Variants in LORICRIN observed in about 807,000 individuals in gnomAD.
LORICRIN encodes the protein loricrin cornified envelope precursor protein.
A neutral mutation model predicts 3.3 loss-of-function variants in LORICRIN; 5 were observed. The ratio of observed to expected loss-of-function variants is 1.52; its 90% CI spans 0.79 to 3.19. The LOEUF (loss-of-function observed/expected upper bound fraction) is 3.19, where lower values mean the gene tolerates loss of function less well. Ranked by LOEUF, LORICRIN falls within the 30% of genes most tolerant of loss-of-function variation. The pLI, the probability that LORICRIN is intolerant of heterozygous loss-of-function variation, is 0.00. For missense variants in LORICRIN, 524 were observed against 460.2 expected (o/e 1.14, Z -1.27); for synonymous variants, 237 against 231.4 (o/e 1.02, Z -0.22).
Position 153,261,225 on chromosome 1 carries a change from A to C in LORICRIN, c.276A>C (p.Gly92=), listed in dbSNP as rs1143390. ...GGSGGSVKYS[G]GGGSSGGGSG... The stretch of plus-strand genomic sequence containing the variant: ...CCGGTGGGAGCGTCAAGTACTCCGG[A>C]GGCGGCGGCTCCTCCGGCGGGGGCT... Residue 92 remains glycine, a synonymous_variant, in exon 2 of 2, where the codon GGA becomes GGC. Coordinates refer to ENST00000368742, the MANE Select transcript of LORICRIN (RefSeq NM_000427.3). 0.38 allele frequency: 522,384 copies of C among 1,371,192 alleles called. 99,198 individuals are homozygous for C. The highest frequency in any genetic ancestry group is 0.51 in the Middle Eastern group (2,088 of 4,062). 84.9% of individuals were successfully genotyped at this position (1,371,192 alleles called of 1,614,324 possible).
chr1:153,261,243 C>CG lies in LORICRIN; in HGVS notation c.299dup (p.Ser101LeufsTer66). On this transcript the variant is annotated frameshift_variant, in exon 2 of 2. Transcript: ENST00000368742. LOFTEE classifies it low-confidence loss of function (END_TRUNC). ...ACTCCGGAGGCGGCGGCTCCTCCGG[C>CG]GGGGGCTCTGGCTGTTTCTCCAGCG... is the stretch of plus-strand genomic sequence containing the variant. The CG allele has an allele frequency of 7.2e-7, 1 of 1,382,506 alleles. No individual in the cohort carries two copies. Among genetic ancestry groups the CG allele is most frequent in the South Asian group, 1.6e-5 (1 of 61,308 alleles). 85.6% of individuals were successfully genotyped at this position (1,382,506 alleles called of 1,614,324 possible). A position where few individuals can be genotyped will look rare whatever the true frequency, so the allele number is the denominator to read the frequency against.
chr1:153,261,171 GGGC>G lies in LORICRIN; in HGVS notation c.226_228del (p.Gly76del). 8.8e-7 allele frequency: 1 copy of G among 1,130,350 alleles called. No individual in the cohort carries two copies. Among genetic ancestry groups the G allele is most frequent in the Non-Finnish European group, 1.1e-6 (1 of 913,540 alleles). 70.0% of individuals were successfully genotyped at this position (1,130,350 alleles called of 1,614,324 possible). A position where few individuals can be genotyped will look rare whatever the true frequency, so the allele number is the denominator to read the frequency against. ...GGGGCTCCTCCGGCGGCGGGGGCGG[GGGC>G]GGCATTGGAGGCTGCGGAGGGGGCT... On this transcript the variant is annotated inframe_deletion, in exon 2 of 2. Transcript: ENST00000368742.
chr1:153,261,924 G>C lies in LORICRIN; in HGVS notation c.*36G>C. 1 of 1,597,168 alleles carries C rather than the reference G, an allele frequency of 6.3e-7. No homozygotes were observed. The highest frequency in any genetic ancestry group is 8.5e-7 in the Non-Finnish European group (1 of 1,170,832). On this transcript the variant is annotated 3_prime_UTR_variant, in exon 2 of 2. Transcript: ENST00000368742. ...GTACCACGGAGGCGAAGGAGTTGGA[G>C]GTGTTTTCCAGGGGCACCGATGGGC...
rs773449289 is a variant in LORICRIN at position 153,261,581 on chromosome 1, C to T, written c.632C>T (p.Ser211Leu). ...SGGSGSGYVS[S>L]QQVTQTSCAP... ...GGCAGCGGCTCCGGCTACGTCTCCTCGCAGCAGGTCACTCAGACCTCGTGC... is the reference window on the plus strand; with the variant it reads ...GGCAGCGGCTCCGGCTACGTCTCCTTGCAGCAGGTCACTCAGACCTCGTGC... Residue 211 changes from serine to leucine, a missense_variant, in exon 2 of 2, where the codon TCG (serine) becomes TTG (leucine). By Grantham distance (145) the Ser-to-Leu change is moderately radical (BLOSUM62 -2). Coordinates refer to ENST00000368742, the MANE Select transcript of LORICRIN (RefSeq NM_000427.3). 26 of 1,509,012 alleles carry T rather than the reference C, an allele frequency of 1.7e-5. No individual in the cohort carries two copies. The East Asian group carries it at 6.4e-4, about 37-fold the overall frequency. 93.5% of individuals were successfully genotyped at this position (1,509,012 alleles called of 1,614,324 possible).
rs368526633 is a variant in LORICRIN, at chr1:153,261,831, C to T, written c.882C>T (p.Gly294=). ...TGGGTGGCTCCGGGAGTGGCAAGGG[C>T]GTCCCGATCTGCCACCAGACCCAGC... ...SSVGGSGSGK[G]VPICHQTQQK... Residue 294 remains glycine, a synonymous_variant, in exon 2 of 2, where the codon GGC becomes GGT. Coordinates refer to ENST00000368742, the MANE Select transcript of LORICRIN (RefSeq NM_000427.3). The T allele has an allele frequency of 1.2e-4, 197 of 1,610,986 alleles. No homozygotes were observed. The African/African-American group carries it at 2.4e-3, about 20-fold the overall frequency.
In LORICRIN at chr1:153,260,940, C is replaced by T; in HGVS notation, c.-10C>T. On this transcript the variant is annotated 5_prime_UTR_variant, in exon 2 of 2. Transcript: ENST00000368742. ...CTCCCCTTCCAGGCTCTCCTTCCTT[C>T]TCAGACAAGATGTCTTATCAGAAAA... 25 of 1,585,948 alleles carry T rather than the reference C, an allele frequency of 1.6e-5. No individual in the cohort carries two copies. The highest frequency in any genetic ancestry group is 2.1e-5 in the Non-Finnish European group (25 of 1,165,168).
chr1:153,261,133 G>A lies in LORICRIN; in HGVS notation c.184G>A (p.Gly62Ser). Residue 62 changes from glycine to serine, a missense_variant, in exon 2 of 2, where the codon GGC (glycine) becomes AGC (serine). Coordinates refer to ENST00000368742, the MANE Select transcript of LORICRIN (RefSeq NM_000427.3). ...CTCCGGCGGCGGTGGCTACTCTGGC[G>A]GCGGCTGCGGCGGGGGCTCCTCCGG... ...GYSGGGGYSG[G>S]GCGGGSSGGG... 10 of 1,350,762 alleles carry A rather than the reference G, an allele frequency of 7.4e-6. No individual in the cohort carries two copies. Among genetic ancestry groups the A allele is most frequent in the Non-Finnish European group, 9.4e-6 (10 of 1,060,986 alleles). 83.7% of individuals were successfully genotyped at this position (1,350,762 alleles called of 1,614,324 possible).
In LORICRIN at chr1:153,261,992, T is replaced by G. The variant is rs1174404412; in HGVS notation, c.*104T>G. On this transcript the variant is annotated 3_prime_UTR_variant, in exon 2 of 2. Coordinates refer to ENST00000368742, the MANE Select transcript of LORICRIN (RefSeq NM_000427.3). ...CTACCCGAGGTTTGCAAATCCTTCA[T>G]GTCTTAACCTACCTGGAAGAAGCCA... 2 of 1,202,226 alleles carry G rather than the reference T, an allele frequency of 1.7e-6. No homozygotes were observed. Among genetic ancestry groups the G allele is most frequent in the African/African-American group, 1.5e-5 (1 of 66,526 alleles). The allele number at this position is 1,202,226 out of a possible 1,614,324, so 74.5% of individuals were successfully genotyped here.
intron 1 of LORICRIN, among the ~76,000 whole-genome samples, chr1:153,260,338 G>C (rs1658734295): frequency 6.6e-6 from 1 of 152,192 alleles, no homozygotes; most frequent in South Asian, 2.1e-4. Context: ...CCTGTTTCCA[G>C]GCAGGGCCAC....
chr1:153,260,956 T>C lies in LORICRIN; in HGVS notation c.7T>C (p.Tyr3His). MSYQKKQPTPQPP... is the reference protein window; with the variant it reads MSHQKKQPTPQPP... Reference sequence around the variant, plus strand: ...TCCTTCCTTCTCAGACAAGATGTCTTATCAGAAAAAGCAGCCCACCCCTCA... The same window carrying C: ...TCCTTCCTTCTCAGACAAGATGTCTCATCAGAAAAAGCAGCCCACCCCTCA... Residue 3 changes from tyrosine (Y) to histidine (H), a missense_variant, in exon 2 of 2, where the codon TAT becomes CAT. Coordinates refer to ENST00000368742, the MANE Select transcript of LORICRIN (RefSeq NM_000427.3). 1 of 1,596,810 alleles carries C rather than the reference T, an allele frequency of 6.3e-7. No homozygotes were observed. Among genetic ancestry groups the C allele is most frequent in the Non-Finnish European group, 8.5e-7 (1 of 1,171,774 alleles).
chr1:153,261,070 G>T lies in LORICRIN; in HGVS notation c.121G>T (p.Gly41Cys), dbSNP rs764037857. The change falls in exon 2 of 2, where the codon GGC becomes TGC. Residue 41 changes from glycine to cysteine, a missense_variant. Gly to Cys is a radical substitution (Grantham distance 159). Transcript: ENST00000368742. ...GGGCGFFGGG[G>C]SGGGSSGSGC... ...TGGCTGCGGCTTCTTCGGCGGCGGCGGCTCAGGGGGCGGTAGCAGCGGTTC... is the reference window on the plus strand; with the variant it reads ...TGGCTGCGGCTTCTTCGGCGGCGGCTGCTCAGGGGGCGGTAGCAGCGGTTC... The T allele has an allele frequency of 1.4e-5, 21 of 1,509,044 alleles. No homozygotes were observed. In the African/African-American group the frequency reaches 2.0e-4, roughly 14 times the overall value. 93.5% of individuals were successfully genotyped at this position (1,509,044 alleles called of 1,614,324 possible).
chr1:153,260,598 A>C (rs1658742999), intron 1 of LORICRIN, among the ~76,000 whole-genome samples: 3 of 152,196 alleles, frequency 2.0e-5, no homozygotes, highest in South Asian at 2.1e-4. Context: ...CTGAAAGATG[A>C]AGTGTTCAAA....
At chr1:153,260,759 A>G (rs1557794713) in intron 1 of LORICRIN, among the ~76,000 whole-genome samples, 168 bp from the exon 2 acceptor site, 1 of 152,164 alleles carries the variant, frequency 6.6e-6, no homozygotes, top group Non-Finnish European at 1.5e-5. Flanking sequence ...CTGCAGGGGA[A>G]TGAGGAACTC....
At position 153,261,684 on chromosome 1, in the gene LORICRIN, G is replaced by A. The variant is rs967978819; in HGVS notation, c.735G>A (p.Gly245=). 3 of 1,501,184 alleles carry A rather than the reference G, an allele frequency of 2.0e-6. 1 individual carries two copies. Among genetic ancestry groups the A allele is most frequent in the Non-Finnish European group, 2.6e-6 (3 of 1,134,960 alleles). The allele number at this position is 1,501,184 out of a possible 1,614,324, so 93.0% of individuals were successfully genotyped here. The change falls in exon 2 of 2, where the codon GGG becomes GGA. Residue 245 remains glycine (G), a synonymous_variant. Transcript: ENST00000368742. ...GAAGCGGCTGCTTCTCCAGCGGCGG[G>A]GGCGGCGGGAGCTCCGGCTGCGGCG... ...SGGSGCFSSG[G]GGGSSGCGGG...
At position 153,261,019 on chromosome 1, in the gene LORICRIN, G is replaced by GGCGGTA. The variant is rs1658758526; in HGVS notation, c.75_76insAGCGGT (p.Gly25_Gly26insSerGly). ...CTGCGTGAAGACCTCTGGCGGCGGTGGCGGTGGCGGCGGCAGCGGCGGTGG... is the reference window on the plus strand; with the variant it reads ...CTGCGTGAAGACCTCTGGCGGCGGTGGCGGTAGCGGTGGCGGCGGCAGCGGCGGTGG... On this transcript the variant is annotated inframe_insertion, in exon 2 of 2. Transcript: ENST00000368742. 1 of 1,567,312 alleles carries GGCGGTA rather than the reference G, an allele frequency of 6.4e-7. No homozygotes were observed. Among genetic ancestry groups the GGCGGTA allele is most frequent in the Non-Finnish European group, 8.7e-7 (1 of 1,154,086 alleles).
At position 153,261,628 on chromosome 1, in the gene LORICRIN, G is replaced by A; in HGVS notation, c.679G>A (p.Gly227Arg). 1 of 1,513,938 alleles carries A rather than the reference G, an allele frequency of 6.6e-7. No homozygotes were observed. The highest frequency in any genetic ancestry group is 2.0e-4 in the Middle Eastern group (1 of 4,892). The allele number at this position is 1,513,938 out of a possible 1,614,324, so 93.8% of individuals were successfully genotyped here. A position where few individuals can be genotyped will look rare whatever the true frequency, so the allele number is the denominator to read the frequency against. Residue 227 changes from glycine (G) to arginine (R), a missense_variant, in exon 2 of 2, where the codon GGG becomes AGG. Transcript: ENST00000368742. ...GTGCGCGCCCCAGCCGAGTTACGGA[G>A]GGGGGTCGTCCGGCGGCGGCGGCAG... ...TSCAPQPSYG[G>R]GSSGGGGSGG...
rs1030423431 is a variant in LORICRIN, at chr1:153,261,267, C to A, written c.318C>A (p.Ser106Arg). Reference sequence around the variant, plus strand: ...GCGGGGGCTCTGGCTGTTTCTCCAGCGGTGGGGGCGGCTCCGGCTGCTTCT... The same window carrying A: ...GCGGGGGCTCTGGCTGTTTCTCCAGAGGTGGGGGCGGCTCCGGCTGCTTCT... Reference protein sequence around the residue: ...SSGGGSGCFSSGGGGSGCFSS... With the variant: ...SSGGGSGCFSRGGGGSGCFSS... Residue 106 changes from serine (S) to arginine (R), a missense_variant, in exon 2 of 2, where the codon AGC becomes AGA. Physicochemically the swap from Ser to Arg is moderately radical, Grantham distance 110. Coordinates refer to ENST00000368742, the MANE Select transcript of LORICRIN (RefSeq NM_000427.3). 1 of 1,418,144 alleles carries A rather than the reference C, an allele frequency of 7.1e-7. No homozygotes were observed. The highest frequency in any genetic ancestry group is 9.1e-7 in the Non-Finnish European group (1 of 1,096,230). The allele number at this position is 1,418,144 out of a possible 1,614,324, so 87.8% of individuals were successfully genotyped here.
In LORICRIN at chr1:153,261,682, G is replaced by C; in HGVS notation, c.733G>C (p.Gly245Arg). ...CGGAAGCGGCTGCTTCTCCAGCGGC[G>C]GGGGCGGCGGGAGCTCCGGCTGCGG... ...SGGSGCFSSG[G>R]GGGSSGCGGG... Residue 245 changes from glycine (G) to arginine (R), a missense_variant, in exon 2 of 2, where the codon GGG (glycine) becomes CGG (arginine). Coordinates refer to ENST00000368742, the MANE Select transcript of LORICRIN (RefSeq NM_000427.3). 6.6e-7 allele frequency: 1 copy of C among 1,506,538 alleles called. No homozygotes were observed. Among genetic ancestry groups the C allele is most frequent in the South Asian group, 1.3e-5 (1 of 79,426 alleles). 93.3% of individuals were successfully genotyped at this position (1,506,538 alleles called of 1,614,324 possible).
Position 153,261,959 on chromosome 1 carries a change from T to A in LORICRIN, c.*71T>A. On this transcript the variant is annotated 3_prime_UTR_variant, in exon 2 of 2. Transcript: ENST00000368742. Reference sequence around the variant, plus strand: ...AGGGGCACCGATGGGCTTAGAGCTCTCATGATGCTACCCGAGGTTTGCAAA... The same window carrying A: ...AGGGGCACCGATGGGCTTAGAGCTCACATGATGCTACCCGAGGTTTGCAAA... 1 of 1,471,622 alleles carries A rather than the reference T, an allele frequency of 6.8e-7. No homozygotes were observed. The highest frequency in any genetic ancestry group is 9.4e-7 in the Non-Finnish European group (1 of 1,068,626). 91.2% of individuals were successfully genotyped at this position (1,471,622 alleles called of 1,614,324 possible).
Sources: allele counts gnomAD v4.1 joint callset (sites outside exome capture counted in the v4.1 genomes callset), GRCh38; gene constraint gnomAD v4.1.1; transcripts MANE v1.5; gene names NCBI Gene and HGNC (gene_info 2026-07-23, HGNC 2026-07-21).